VPS13B: variants seen among roughly 807,000 people sequenced by gnomAD.
The protein encoded by VPS13B is intermembrane lipid transfer protein VPS13B.
A neutral mutation model predicts 426.4 loss-of-function variants in VPS13B; 285 were observed. The ratio of observed to expected loss-of-function variants is 0.67; its 90% confidence interval spans 0.61 to 0.74. The LOEUF (loss-of-function observed/expected upper bound fraction) is 0.74. VPS13B is among the 30% of genes least tolerant of loss of function. The probability of loss-of-function intolerance (pLI) is 0.00; values close to 1 mark genes in which losing one functional copy is unlikely to be tolerated. For missense variants in VPS13B, 4,537 were observed against 4,782.6 expected, an observed-to-expected ratio of 0.95 and a Z score of 1.51; for synonymous variants, 1,676 against 1,676.4, an observed-to-expected ratio of 1.00 and a Z score of 0.01.
At chr8:99,387,673 C>T (rs994491591) in intron 20 of VPS13B, among the ~76,000 whole-genome samples, 2 of 151,914 alleles carry the variant, frequency 1.3e-5, no homozygotes, top group Admixed American at 6.6e-5. Context: ...GAGAGAATTG[C>T]ATAGTTGAGC....
At chr8:99,049,546 T>G (rs1024466584) in intron 3 of VPS13B, among the ~76,000 whole-genome samples, 9 of 122,962 alleles carry the variant, frequency 7.3e-5, no homozygotes, top group South Asian at 6.8e-4. Flanking sequence ...ATTCAATAGG[T>G]TTTTTTTTTT....
At chr8:99,208,597 C>CAT (rs889268298) in intron 17 of VPS13B, among the ~76,000 whole-genome samples, 6 of 66,112 alleles carry the variant, frequency 9.1e-5, no homozygotes, top group African/African-American at 2.8e-4. Flanking sequence ...TGCTCTTTAC[C>CAT]ACAGAGATTT....
intron 21 of VPS13B, among the ~76,000 whole-genome samples, chr8:99,422,807 C>T (rs1816446421): frequency 6.6e-6 from 1 of 152,084 alleles, no homozygotes; most frequent in South Asian, 2.1e-4. Context: ...TCCATTTTTC[C>T]CTCCTCAGAG....
chr8:99,310,901 G>T lies in VPS13B; in HGVS notation c.2824+35647G>T, dbSNP rs551547186. 2.0e-5 allele frequency among the ~76,000 whole-genome samples: 3 copies of T among 152,266 alleles called. No homozygotes were observed. In the East Asian group the frequency reaches 5.8e-4, roughly 29 times the overall value. On this transcript the variant is annotated intron_variant, in intron 19 of 61. Transcript: ENST00000357162. ...ACTTCTTCCTGTTTTAGTCTTTGGA[G>T]GGTGTATGTGTTGAGGAATTTATCC...
In VPS13B at chr8:99,861,765, T is replaced by C. The variant is rs1273787372; in HGVS notation, c.11045-11T>C. The C allele has an allele frequency of 6.3e-7, 1 of 1,589,928 alleles. No individual in the cohort carries two copies. The highest frequency in any genetic ancestry group is 8.6e-7 in the Non-Finnish European group (1 of 1,167,830). Reference sequence around the variant, plus strand: ...GACAAGGAGGCTAACCCCATGCTCTTGTTCCCTCAGGTACCCTCACATCCA... The same window carrying C: ...GACAAGGAGGCTAACCCCATGCTCTCGTTCCCTCAGGTACCCTCACATCCA... On this transcript the variant is annotated splice_polypyrimidine_tract_variant and intron_variant, in intron 57 of 61. Coordinates refer to ENST00000357162, the MANE Select transcript of VPS13B (RefSeq NM_152564.5).
intron 21 of VPS13B, among the ~76,000 whole-genome samples, chr8:99,421,321 A>T (rs1816358843): frequency 6.6e-6 from 1 of 152,232 alleles, no homozygotes; most frequent in Non-Finnish European, 1.5e-5. Flanking sequence ...TTGAAATGAG[A>T]TTGCGATGTT....
At chr8:99,391,528 A>T (rs768899769) in intron 20 of VPS13B, 29 bp from the exon 21 acceptor site, 6 of 1,614,004 alleles carry the variant, frequency 3.7e-6, no homozygotes, top group Non-Finnish European at 5.1e-6. Flanking sequence ...ACTAAAAACT[A>T]AAAAGGTTTT....
chr8:99,440,929 G>A (rs1387385274), intron 22 of VPS13B, among the ~76,000 whole-genome samples: 1 of 151,958 alleles, frequency 6.6e-6, no homozygotes, highest in African/African-American at 2.4e-5. Flanking sequence ...TAAAGGCTAT[G>A]CTCTTAATGT....
At chr8:99,117,151 T>A (rs1252292617) in intron 7 of VPS13B, among the ~76,000 whole-genome samples, 1 of 152,082 alleles carries the variant, frequency 6.6e-6, no homozygotes, top group Non-Finnish European at 1.5e-5. Flanking sequence ...ATTTAAAACT[T>A]AGGGGCAAAT....
intron 35 of VPS13B, among the ~76,000 whole-genome samples, chr8:99,690,229 G>C (rs913206413): frequency 6.6e-6 from 1 of 152,078 alleles, no homozygotes; most frequent in African/African-American, 2.4e-5. Context: ...AAATGTTGCT[G>C]ACATAACTAG....
intron 19 of VPS13B, among the ~76,000 whole-genome samples, chr8:99,348,590 T>C (rs1324577278): frequency 6.6e-6 from 1 of 152,192 alleles, no homozygotes; most frequent in Non-Finnish European, 1.5e-5. Context: ...AAGTCAAATA[T>C]GGTGATTTTG....
chr8:99,090,799 G>C (rs1846101123), intron 3 of VPS13B, among the ~76,000 whole-genome samples: 1 of 152,102 alleles, frequency 6.6e-6, no homozygotes, highest in Non-Finnish European at 1.5e-5. Flanking sequence ...TCCCCCCAGT[G>C]AATTTGGTAA....
At chr8:99,319,261 C>T (rs1198310764) in intron 19 of VPS13B, among the ~76,000 whole-genome samples, 4 of 152,060 alleles carry the variant, frequency 2.6e-5, no homozygotes, top group African/African-American at 9.7e-5. Flanking sequence ...AATGAATATC[C>T]TCAAATGAAA....
At chr8:99,430,706 C>G (rs71516836) in intron 21 of VPS13B, among the ~76,000 whole-genome samples, 1 of 150,958 alleles carries the variant, frequency 6.6e-6, no homozygotes, top group Admixed American at 6.6e-5. Context: ...AAATCCACCC[C>G]CCCCCCAACT....
intron 26 of VPS13B, among the ~76,000 whole-genome samples, chr8:99,502,284 T>G (rs1257168419): frequency 2.6e-5 from 4 of 152,190 alleles, no homozygotes; most frequent in Non-Finnish European, 4.4e-5. Context: ...ATGCCCGGCC[T>G]GGATTGCTTT....
chr8:99,790,050 T>C (rs1181929208), intron 43 of VPS13B, among the ~76,000 whole-genome samples: 2 of 152,134 alleles, frequency 1.3e-5, no homozygotes, highest in Non-Finnish European at 2.9e-5. Flanking sequence ...GAACTTCAAA[T>C]ATTAATTCTT....
intron 27 of VPS13B, 100 bp from the exon 28 acceptor site, chr8:99,507,037 G>A: frequency 1.6e-6 from 2 of 1,251,278 alleles, no homozygotes; most frequent in Non-Finnish European, 2.3e-6. Context: ...GTTCAGTGCA[G>A]TGTTGTGAAC....
rs1816650063 is a variant in VPS13B, at chr8:99,425,576, A to G, written c.3083-5961A>G. On this transcript the variant is annotated intron_variant, in intron 21 of 61. Coordinates refer to ENST00000357162, the MANE Select transcript of VPS13B (RefSeq NM_152564.5). Reference sequence around the variant, plus strand: ...TCATGGGATGTATCTCAAAATAATAAGAGCTATTTATGACAAACCCACAGC... The same window carrying G: ...TCATGGGATGTATCTCAAAATAATAGGAGCTATTTATGACAAACCCACAGC... Among the ~76,000 whole-genome samples the G allele has an allele frequency of 3.3e-5, 5 of 152,348 alleles. No individual in the cohort carries two copies. In the South Asian group the frequency reaches 1.0e-3, roughly 32 times the overall value.
chr8:99,783,741 T>C (rs1812128214), intron 42 of VPS13B, among the ~76,000 whole-genome samples: 1 of 152,214 alleles, frequency 6.6e-6, no homozygotes, highest in African/African-American at 2.4e-5. Flanking sequence ...ATCTGTTTTG[T>C]ATGTTCAGCC....
Sources: gnomAD v4.1 joint callset for allele counts (sites outside exome capture counted in the v4.1 genomes callset) on GRCh38, gnomAD v4.1.1 for gene constraint, MANE v1.5 for transcripts, NCBI Gene and HGNC (gene_info 2026-07-23, HGNC 2026-07-21) for gene names.